BTBD7: variants seen among roughly 807,000 people sequenced by gnomAD.
BTBD7 encodes BTB/POZ domain-containing protein 7.
A neutral mutation model predicts 99.9 loss-of-function variants in BTBD7; 38 were observed. The observed-to-expected ratio is 0.38, with a 90% confidence interval of 0.29 to 0.50. BTBD7 has a LOEUF of 0.50. Ranked by LOEUF, BTBD7 falls within the 20% of genes least tolerant of loss-of-function variation. The pLI is 0.93. For missense variants in BTBD7, 1,170 were observed against 1,394.6 expected, an observed-to-expected ratio of 0.84 and a Z score of 2.57; for synonymous variants, 520 against 511.4, an observed-to-expected ratio of 1.02 and a Z score of -0.23.
chr14:93,243,194 G>GT, intron 10 of BTBD7, 106 bp from the exon 11 acceptor site: 5 of 1,061,892 alleles, frequency 4.7e-6, no homozygotes, highest in Non-Finnish European at 6.7e-6. Flanking sequence ...AACACATTCT[G>GT]TTTTTGTTTT....
rs1369862043 is a variant in BTBD7, at chr14:93,237,748, T to C, written c.*4525A>G. The C allele has an allele frequency of 6.6e-6, 1 of 152,666 alleles. No individual in the cohort carries two copies. Among genetic ancestry groups the C allele is most frequent in the Non-Finnish European group, 1.5e-5 (1 of 68,034 alleles). The allele number at this position is 152,666 out of a possible 1,614,324, so 9.5% of individuals were successfully genotyped here. ...TGGAGGTACCTAAATAAAAATACTATATATTTCTTTAAAAATCACTATGTA... is the reference window on the plus strand; with the variant it reads ...TGGAGGTACCTAAATAAAAATACTACATATTTCTTTAAAAATCACTATGTA... On this transcript the variant is annotated 3_prime_UTR_variant, in exon 11 of 11. Transcript: ENST00000334746.
chr14:93,319,725 C>G (rs542823570), intron 1 of BTBD7, among the ~76,000 whole-genome samples: 1 of 152,280 alleles, frequency 6.6e-6, no homozygotes, highest in South Asian at 2.1e-4. Context: ...TAGAGATCTA[C>G]TGTACAACAC....
intron 3 of BTBD7, among the ~76,000 whole-genome samples, chr14:93,272,268 C>T (rs557355301): frequency 1.2e-4 from 18 of 152,214 alleles, no homozygotes; most frequent in Admixed American, 2.0e-4. Flanking sequence ...GGCAACAGAA[C>T]GAGACTGTCT....
At chr14:93,300,704 T>TTGTGTGTGTGTGTGTGTGTGTG (rs57228905) in intron 1 of BTBD7, among the ~76,000 whole-genome samples, 2 of 87,094 alleles carry the variant, frequency 2.3e-5, no homozygotes, top group Admixed American at 1.5e-4. Context: ...CCCAGCTAAT[T>TTGTGTGTGTGTGTGTGTGTGTG]TGTGTGTGTG....
Position 93,246,009 on chromosome 14 carries a change from G to A in BTBD7, c.2399C>T (p.Ser800Leu), listed in dbSNP as rs150117172. ...SRSFSYPCNH[S>L]LFHSRTAPKA... ...AGGAGCTGTTCTGGAGTGGAACAGC[G>A]AATGATTACAGGGATAAGAAAATGA... Residue 800 changes from serine (S) to leucine (L), a missense_variant, in exon 10 of 11, where the codon TCG (serine) becomes TTG (leucine). Coordinates refer to ENST00000334746, the MANE Select transcript of BTBD7 (RefSeq NM_001002860.4). The A allele has an allele frequency of 6.7e-5, 108 of 1,613,792 alleles. No individual in the cohort carries two copies. The highest frequency in any genetic ancestry group is 1.7e-4 in the African/African-American group (13 of 74,796).
chr14:93,310,580 A>G (rs2053125246), intron 1 of BTBD7, among the ~76,000 whole-genome samples: 1 of 152,076 alleles, frequency 6.6e-6, no homozygotes, highest in Admixed American at 6.6e-5. Flanking sequence ...CCCCATCTCT[A>G]CTAAAATAAT....
rs759529950 is a variant in BTBD7, at chr14:93,294,615, A to G, written c.405T>C (p.Leu135=). The G allele has an allele frequency of 2.5e-6, 4 of 1,614,054 alleles. No individual in the cohort carries two copies. Among genetic ancestry groups the G allele is most frequent in the Non-Finnish European group, 2.5e-6 (3 of 1,180,030 alleles). The part of the protein sequence containing the change: ...ARTLQKDMAD[L]YEYKYCTDVD... ...CATCAGTACAATACTTGTACTCATA[A>G]AGATCAGCCATATCTTTCTGCAATG... is the stretch of plus-strand genomic sequence containing the variant. The change falls in exon 3 of 11, where the codon CTT becomes CTC. Residue 135 remains leucine (L), a synonymous_variant. Transcript: ENST00000334746.
intron 1 of BTBD7, among the ~76,000 whole-genome samples, chr14:93,320,874 T>C (rs1394836527): frequency 2.0e-5 from 3 of 152,200 alleles, no homozygotes; most frequent in Non-Finnish European, 2.9e-5. Flanking sequence ...GTCCATCTAC[T>C]AGTATAATTT....
intron 3 of BTBD7, among the ~76,000 whole-genome samples, chr14:93,267,022 TA>T (rs2052550287): frequency 6.6e-6 from 1 of 152,196 alleles, no homozygotes; most frequent in Non-Finnish European, 1.5e-5. Context: ...CCTGTTGTTT[TA>T]AAGTGGGCAT....
In BTBD7 at chr14:93,240,013, G is replaced by A. The variant is rs866029313; in HGVS notation, c.*2260C>T. 6.6e-6 allele frequency: 1 copy of A among 151,574 alleles called. No individual in the cohort carries two copies. Among genetic ancestry groups the A allele is most frequent in the African/African-American group, 2.4e-5 (1 of 41,296 alleles). The allele number at this position is 151,574 out of a possible 1,614,324, so 9.4% of individuals were successfully genotyped here. A position where few individuals can be genotyped will look rare whatever the true frequency, so the allele number is the denominator to read the frequency against. ...GAAACACACATCAAGGAACATGACGGCATTCACTTTTGTTTCTGAAGACAG... is the reference window on the plus strand; with the variant it reads ...GAAACACACATCAAGGAACATGACGACATTCACTTTTGTTTCTGAAGACAG... On this transcript the variant is annotated 3_prime_UTR_variant, in exon 11 of 11. Transcript: ENST00000334746.
chr14:93,315,277 A>G (rs565328947), intron 1 of BTBD7, among the ~76,000 whole-genome samples: 19 of 148,604 alleles, frequency 1.3e-4, no homozygotes, highest in African/African-American at 4.6e-4. Context: ...TTATTGTTTC[A>G]AGTCATTTGG....
chr14:93,288,375 C>T (rs1422259773), intron 3 of BTBD7: 2 of 623,144 alleles, frequency 3.2e-6, no homozygotes, highest in African/African-American at 1.8e-5. Flanking sequence ...CTCAACTGTA[C>T]CTTTCAATGC....
intron 7 of BTBD7, 70 bp downstream of exon 7, chr14:93,253,577 C>A (rs1436368117): frequency 7.1e-7 from 1 of 1,402,140 alleles, no homozygotes; most frequent in Admixed American, 2.0e-5. Context: ...TTAAGTAATA[C>A]TACAGTGAAC....
intron 6 of BTBD7, among the ~76,000 whole-genome samples, chr14:93,254,392 C>T (rs1595289725): frequency 6.6e-6 from 1 of 152,022 alleles, no homozygotes; most frequent in Admixed American, 6.6e-5. Context: ...TTAATGAAAA[C>T]CAATTTTTTT....
At position 93,263,890 on chromosome 14, in the gene BTBD7, A is replaced by C; in HGVS notation, c.1266T>G (p.Ala422=). 2.5e-6 allele frequency: 4 copies of C among 1,614,196 alleles called. No individual in the cohort carries two copies. Among genetic ancestry groups the C allele is most frequent in the Non-Finnish European group, 2.5e-6 (3 of 1,180,028 alleles). ...AAAATTCCTCACAGAGGAAATGTAA[A>C]GCTTGTCGGTGCACCCATTTAGAGC... ...PYGSKWVHRQ[A]LHFLCEEFSQ... The change falls in exon 4 of 11, where the codon GCT becomes GCG. Residue 422 remains alanine (A), a synonymous_variant. Coordinates refer to ENST00000334746, the MANE Select transcript of BTBD7 (RefSeq NM_001002860.4).
intron 1 of BTBD7, among the ~76,000 whole-genome samples, chr14:93,297,905 G>A (rs190718209): frequency 8.5e-5 from 13 of 152,246 alleles, no homozygotes; most frequent in African/African-American, 3.1e-4. Flanking sequence ...AATGAGGGGG[G>A]AAAAAGACTT....
intron 1 of BTBD7, among the ~76,000 whole-genome samples, chr14:93,326,204 C>T (rs2053329052): frequency 6.6e-6 from 1 of 152,202 alleles, no homozygotes; most frequent in Non-Finnish European, 1.5e-5. Context: ...TGGTGGCTCA[C>T]ACCTATAATC....
chr14:93,303,478 T>C (rs1002207368), intron 1 of BTBD7, among the ~76,000 whole-genome samples: 4 of 151,724 alleles, frequency 2.6e-5, no homozygotes, highest in Non-Finnish European at 5.9e-5. Context: ...AAAGATAATA[T>C]GGACTGCCAC....
intron 10 of BTBD7, chr14:93,244,030 C>A: frequency 2.9e-6 from 1 of 350,276 alleles, no homozygotes; most frequent in Non-Finnish European, 5.5e-6. Flanking sequence ...TTCCTAAAAC[C>A]CATCGGACTT....
Sources: gnomAD v4.1 joint callset for allele counts (sites outside exome capture counted in the v4.1 genomes callset) on GRCh38, gnomAD v4.1.1 for gene constraint, MANE v1.5 for transcripts, NCBI Gene and HGNC (gene_info 2026-07-23, HGNC 2026-07-21) for gene names.